NOS1: variants seen among roughly 807,000 people sequenced by gnomAD.
NOS1 encodes the protein NOS type I.
Under a neutral mutation model 164.5 loss-of-function variants are expected in NOS1, and 51 were observed. That is an observed-to-expected ratio of 0.31 (90% CI 0.25 to 0.39). NOS1 has a LOEUF of 0.39. NOS1 is among the 10% of genes least tolerant of loss of function. The probability of loss-of-function intolerance (pLI) is 1.00; values close to 1 mark genes in which losing one functional copy is unlikely to be tolerated. For synonymous variants in NOS1, 719 were observed against 745.8 expected (o/e 0.96, Z 0.59); for missense variants, 1,362 against 1,885.6 (o/e 0.72, Z 5.14).
At chr12:117,318,554 T>C (rs766683065) in intron 2 of NOS1, among the ~76,000 whole-genome samples, 5 of 152,340 alleles carry the variant, frequency 3.3e-5, no homozygotes, top group African/African-American at 4.8e-5. Context: ...CTTCTGAGAA[T>C]CTTTGCCAGA....
chr12:117,331,982 C>A (rs1412982352), intron 1 of NOS1, among the ~76,000 whole-genome samples: 1 of 152,190 alleles, frequency 6.6e-6, no homozygotes. Context: ...TCCATGTACA[C>A]AATGATGACG....
At chr12:117,312,297 G>A (rs1302328300) in intron 2 of NOS1, among the ~76,000 whole-genome samples, 1 of 152,162 alleles carries the variant, frequency 6.6e-6, no homozygotes, top group Non-Finnish European at 1.5e-5. Flanking sequence ...TCTAACTCCT[G>A]GGCTCAAGCG....
chr12:117,278,934 A>G (rs925650026), intron 8 of NOS1, among the ~76,000 whole-genome samples: 1 of 150,146 alleles, frequency 6.7e-6, no homozygotes, highest in African/African-American at 2.4e-5. Flanking sequence ...ATCAACATTA[A>G]TTTATTAATA....
chr12:117,308,386 G>A lies in NOS1; in HGVS notation c.852+3080C>T, dbSNP rs1874258251. Among the ~76,000 whole-genome samples the A allele has an allele frequency of 2.0e-5, 3 of 152,212 alleles. No individual in the cohort carries two copies. In the South Asian group the frequency reaches 6.2e-4, roughly 32 times the overall value. ...TAGCCAGGTCTAGTGGCACCAGCCT[G>A]TAGTCCTAGTTACTCGGGATGCTGC... On this transcript the variant is annotated intron_variant, in intron 3 of 28. Transcript: ENST00000317775.
rs1416901960 is a variant in NOS1 at position 117,212,901 on chromosome 12, C to T, written c.*2408G>A. 12 of 985,256 alleles carry T rather than the reference C, an allele frequency of 1.2e-5. No individual in the cohort carries two copies. Among genetic ancestry groups the T allele is most frequent in the Non-Finnish European group, 1.4e-5 (12 of 829,936 alleles). The allele number at this position is 985,256 out of a possible 1,614,324, so 61.0% of individuals were successfully genotyped here. On this transcript the variant is annotated 3_prime_UTR_variant, in exon 29 of 29. Coordinates refer to ENST00000317775, the MANE Select transcript of NOS1 (RefSeq NM_000620.5). ...GGCAAATGAAAGAAACACATCAGAT[C>T]GCTCTCCTGCCTTCTAGCCTGGAGT...
chr12:117,326,569 T>C (rs1054613914), intron 2 of NOS1, among the ~76,000 whole-genome samples: 1 of 152,144 alleles, frequency 6.6e-6, no homozygotes, highest in Admixed American at 6.5e-5. Context: ...CTAGACCTTG[T>C]TTCTCCTCTG....
intron 9 of NOS1, among the ~76,000 whole-genome samples, chr12:117,277,285 C>T (rs1165063364): frequency 6.6e-6 from 1 of 151,692 alleles, no homozygotes; most frequent in African/African-American, 2.4e-5. Flanking sequence ...TTAAACAGTT[C>T]TCTCAATTGA....
intron 9 of NOS1, among the ~76,000 whole-genome samples, chr12:117,273,282 C>T (rs1033093087): frequency 2.6e-4 from 39 of 152,258 alleles, no homozygotes; most frequent in African/African-American, 9.1e-4. Flanking sequence ...TAGCACAATG[C>T]CTGGCATGCA....
chr12:117,275,010 ATAACT>A (rs1248418446), intron 9 of NOS1, among the ~76,000 whole-genome samples: 2 of 152,082 alleles, frequency 1.3e-5, no homozygotes, highest in Non-Finnish European at 2.9e-5. Flanking sequence ...ATATTTCAAA[ATAACT>A]TAAAGAGTGT....
intron 3 of NOS1, among the ~76,000 whole-genome samples, chr12:117,295,878 C>T (rs1280532646): frequency 6.6e-6 from 1 of 151,738 alleles, no homozygotes; most frequent in East Asian, 1.9e-4. Flanking sequence ...ATCTGCCCAC[C>T]TCAGCCTCCC....
rs1566082153 is a variant in NOS1, at chr12:117,337,104, C to CTATTTTTTTTTTTTTT, written c.-420-5616_-420-5615insAAAAAAAAAAAAAATA. 4.3e-5 allele frequency among the ~76,000 whole-genome samples: 4 copies of CTATTTTTTTTTTTTTT among 94,074 alleles called. 1 individual carries two copies. The highest frequency in any genetic ancestry group is 4.2e-5 in the Non-Finnish European group (2 of 47,796). 61.7% of individuals were successfully genotyped at this position (94,074 alleles called of 152,430 possible). A position where few individuals can be genotyped will look rare whatever the true frequency, so the allele number is the denominator to read the frequency against. ...AGCCACTGTACCCAGCTGCTTTTTACTCTTTTTTTTTTTTTTTTTTTTTTT... is the reference window on the plus strand; with the variant it reads ...AGCCACTGTACCCAGCTGCTTTTTACTATTTTTTTTTTTTTTTCTTTTTTTTTTTTTTTTTTTTTTT... On this transcript the variant is annotated intron_variant, in intron 1 of 28. Transcript: ENST00000317775.
At chr12:117,333,818 C>T (rs977249196) in intron 1 of NOS1, among the ~76,000 whole-genome samples, 4 of 152,160 alleles carry the variant, frequency 2.6e-5, no homozygotes, top group Non-Finnish European at 5.9e-5. Flanking sequence ...CATCCAGGAC[C>T]GCTGTGCCCT....
At position 117,286,955 on chromosome 12, in the gene NOS1, C is replaced by G. The variant is rs9658348; in HGVS notation, c.1128-689G>C. Among the ~76,000 whole-genome samples, 1,392 of 152,300 alleles carry G rather than the reference C, an allele frequency of 9.1e-3. 16 individuals carry two copies. Among genetic ancestry groups the G allele is most frequent in the African/African-American group, 0.032 (1,318 of 41,564 alleles). On this transcript the variant is annotated intron_variant, in intron 5 of 28. Coordinates refer to ENST00000317775, the MANE Select transcript of NOS1 (RefSeq NM_000620.5). ...ACAGGCCGGGTATGGTGGCTCACAC[C>G]TGTAGTCCCAGCACTTTGGGAGGCC...
chr12:117,218,403 T>A (rs1956645299), intron 27 of NOS1, among the ~76,000 whole-genome samples: 1 of 151,764 alleles, frequency 6.6e-6, no homozygotes, highest in South Asian at 2.1e-4. Flanking sequence ...CAAAGAACAT[T>A]TAGGTTGCCA....
At chr12:117,324,793 T>C (rs1875162975) in intron 2 of NOS1, among the ~76,000 whole-genome samples, 1 of 152,156 alleles carries the variant, frequency 6.6e-6, no homozygotes, top group Non-Finnish European at 1.5e-5. Flanking sequence ...ACTATCTGCC[T>C]TCCCCAAACC....
intron 18 of NOS1, among the ~76,000 whole-genome samples, chr12:117,244,186 T>C (rs1870436046): frequency 6.6e-6 from 1 of 152,206 alleles, no homozygotes; most frequent in African/African-American, 2.4e-5. Flanking sequence ...TTTTTCTTTT[T>C]TTTTTTTGGT....
intron 9 of NOS1, among the ~76,000 whole-genome samples, chr12:117,273,753 G>A (rs1356176549): frequency 2.0e-5 from 3 of 151,950 alleles, no homozygotes; most frequent in Admixed American, 1.3e-4. Context: ...ATGACACCTC[G>A]TTCATCTGAC....
chr12:117,285,927 T>C (rs754114574), intron 6 of NOS1, among the ~76,000 whole-genome samples, 177 bp downstream of exon 6: 1 of 152,166 alleles, frequency 6.6e-6, no homozygotes, highest in Non-Finnish European at 1.5e-5. Flanking sequence ...AAGACATGAT[T>C]ATCATCTAGA....
intron 11 of NOS1, among the ~76,000 whole-genome samples, chr12:117,267,611 G>C (rs1872518992): frequency 2.0e-5 from 3 of 151,400 alleles, no homozygotes; most frequent in Admixed American, 2.0e-4. Flanking sequence ...AAGTGTTGTG[G>C]CTTAGTTGAT....
Sources: allele counts gnomAD v4.1 joint callset (sites outside exome capture counted in the v4.1 genomes callset), GRCh38; gene constraint gnomAD v4.1.1; transcripts MANE v1.5; gene names NCBI Gene and HGNC (gene_info 2026-07-23, HGNC 2026-07-21).